Variants in MYH2 observed in about 807,000 individuals in gnomAD.
The protein encoded by MYH2 is myosin-2.
In MYH2, 139 loss-of-function variants were observed where a neutral mutation model predicts 228.1. That is an observed-to-expected ratio of 0.61 (90% confidence interval 0.53 to 0.70). The LOEUF is 0.70. Among genes scored for constraint, MYH2 ranks in the 30% least tolerant of loss-of-function variants. The pLI is 0.00. For missense variants in MYH2, 1,809 were observed against 2,357.5 expected, an observed-to-expected ratio of 0.77 and a Z score of 4.82; for synonymous variants, 796 against 871.1, an observed-to-expected ratio of 0.91 and a Z score of 1.52.
At chr17:10,544,423 C>T (rs2073598983) in intron 5 of MYH2, among the ~76,000 whole-genome samples, 1 of 152,176 alleles carries the variant, frequency 6.6e-6, no homozygotes, top group South Asian at 2.1e-4. Context: ...TAAGTGATGA[C>T]CACGTGGCTG....
At chr17:10,541,662 A>T (rs1299977038) in intron 10 of MYH2, among the ~76,000 whole-genome samples, 1 of 152,118 alleles carries the variant, frequency 6.6e-6, no homozygotes, top group East Asian at 1.9e-4. Flanking sequence ...CCCCTTTGAA[A>T]ATCACTAATA....
At position 10,533,686 on chromosome 17, in the gene MYH2, A is replaced by G; in HGVS notation, c.2181-54T>C. 3.2e-6 allele frequency: 5 copies of G among 1,583,068 alleles called. No individual in the cohort carries two copies. In the African/African-American group the frequency reaches 5.4e-5, roughly 17 times the overall value. On this transcript the variant is annotated intron_variant, in intron 19 of 39. Coordinates refer to ENST00000245503, the MANE Select transcript of MYH2 (RefSeq NM_017534.6). The stretch of plus-strand genomic sequence containing the variant: ...CTAGTTTACTGATGACACAAATGCT[A>G]GCTAAACATTAAATGATTCATTTTT...
In MYH2 at chr17:10,527,751, A is replaced by G; in HGVS notation, c.3868T>C (p.Ser1290Pro). The G allele has an allele frequency of 6.2e-7, 1 of 1,614,050 alleles. No individual in the cohort carries two copies. The highest frequency in any genetic ancestry group is 8.5e-7 in the Non-Finnish European group (1 of 1,180,008). ...GCACAGAAGAGGGGAGAGTTACCAG[A>G]TTCAGTCTGCAGGCGCCCCCTCTGC... ...TAQRGRLQTESGEFSRQLDEK... is the reference protein window; with the variant it reads ...TAQRGRLQTEPGEFSRQLDEK... Residue 1290 changes from serine (S) to proline (P), a missense_variant, in exon 28 of 40, where the codon TCT becomes CCT. By Grantham distance (74) the Ser-to-Pro change is moderately conservative (BLOSUM62 -1). Coordinates refer to ENST00000245503, the MANE Select transcript of MYH2 (RefSeq NM_017534.6).
At position 10,536,494 on chromosome 17, in the gene MYH2, G is replaced by A. The variant is rs1355491755; in HGVS notation, c.1974+36C>T. 3 of 1,582,908 alleles carry A rather than the reference G, an allele frequency of 1.9e-6. No individual in the cohort carries two copies. The South Asian group carries it at 3.4e-5, about 18-fold the overall frequency. ...AGACCCATGTAAAAAAAATCCCAAAGTAATTGGAGAATGTCAAAAACAATT... is the reference window on the plus strand; with the variant it reads ...AGACCCATGTAAAAAAAATCCCAAAATAATTGGAGAATGTCAAAAACAATT... On this transcript the variant is annotated intron_variant, in intron 17 of 39. Transcript: ENST00000245503.
Position 10,535,183 on chromosome 17 carries a change from C to T in MYH2, c.2070G>A (p.Met690Ile). The change falls in exon 19 of 40, where the codon ATG (methionine) becomes ATA (isoleucine). Residue 690 changes from methionine (M) to isoleucine (I), a missense_variant. Coordinates refer to ENST00000245503, the MANE Select transcript of MYH2 (RefSeq NM_017534.6). The stretch of plus-strand genomic sequence containing the variant: ...GCTGGTGGAGGACAAGCTCATGCTC[C>T]ATGGCACCTAAAAATGCATATTTAT... ...IPNETKTPGA[M>I]EHELVLHQLR... is the part of the protein sequence containing the mutation. 6.2e-7 allele frequency: 1 copy of T among 1,614,146 alleles called. No individual in the cohort carries two copies. The highest frequency in any genetic ancestry group is 8.5e-7 in the Non-Finnish European group (1 of 1,180,026).
intron 21 of MYH2, among the ~76,000 whole-genome samples, chr17:10,532,399 A>G (rs909262445): frequency 3.3e-5 from 5 of 152,122 alleles, no homozygotes; most frequent in African/African-American, 9.7e-5. Flanking sequence ...CTGGCTTTAT[A>G]TGTTAATGTT....
chr17:10,542,009 C>G (rs1254358583), intron 10 of MYH2, among the ~76,000 whole-genome samples: 1 of 152,164 alleles, frequency 6.6e-6, no homozygotes, highest in African/African-American at 2.4e-5. Flanking sequence ...CACAGTGTCT[C>G]ATGCCCATAA....
rs952541424 is a variant in MYH2, at chr17:10,537,471, G to A, written c.1659C>T (p.Asn553=). The A allele has an allele frequency of 3.1e-6, 5 of 1,614,098 alleles. No homozygotes were observed. The highest frequency in any genetic ancestry group is 2.7e-5 in the African/African-American group (2 of 74,922). ...TGCCCAGGTGCTGGTCATACAGCTT[G>A]TTCTTGAAGGAGGTGTCTGTTGCCT... is the stretch of plus-strand genomic sequence containing the variant. ...FPKATDTSFK[N]KLYDQHLGKS... The change falls in exon 16 of 40, where the codon AAC becomes AAT. Residue 553 remains asparagine (N), a synonymous_variant. Transcript: ENST00000245503. This position sits in a 1 kb window ranked among gnomAD's most constrained non-coding sequence, Gnocchi z 4.0.
At chr17:10,544,545 T>C (rs2073600212) in intron 5 of MYH2, among the ~76,000 whole-genome samples, 2 of 152,222 alleles carry the variant, frequency 1.3e-5, no homozygotes, top group South Asian at 2.1e-4. Context: ...GTTAGGGACA[T>C]ATATATTGTG....
intron 27 of MYH2, among the ~76,000 whole-genome samples, chr17:10,528,374 T>G (rs1438627769): frequency 6.6e-6 from 1 of 152,188 alleles, no homozygotes; most frequent in Non-Finnish European, 1.5e-5. Flanking sequence ...CGATGAAACT[T>G]TCCTTATTTC....
In MYH2 at chr17:10,539,432, T is replaced by A. The variant is rs1467951640; in HGVS notation, c.1266+12A>T. 6 of 1,613,988 alleles carry A rather than the reference T, an allele frequency of 3.7e-6. No individual in the cohort carries two copies. The highest frequency in any genetic ancestry group is 5.1e-6 in the Non-Finnish European group (6 of 1,179,948). ...TTTCATCCCTGGCAGTTAATTTGAA[T>A]TATGCACCTACCTGTTCTACAGTCT... On this transcript the variant is annotated intron_variant, in intron 13 of 39. Transcript: ENST00000245503.
intron 22 of MYH2, among the ~76,000 whole-genome samples, chr17:10,530,607 C>G (rs1388565567): frequency 2.6e-5 from 4 of 151,786 alleles, no homozygotes; most frequent in African/African-American, 9.7e-5. Flanking sequence ...ATAAAGTAAT[C>G]AAGAAATTCC....
rs751400606 is a variant in MYH2 at position 10,529,383 on chromosome 17, T to G, written c.3216A>C (p.Ile1072=). ...EGDLKLAQES[I]MDIENEKQQL... ...GCTGTTTCTCATTTTCAATGTCCAT[T>G]ATGGATTCTTGGGCCAACTTCAAGT... Residue 1072 remains isoleucine, a synonymous_variant, in exon 25 of 40, where the codon ATA becomes ATC. Transcript: ENST00000245503. 1.2e-6 allele frequency: 2 copies of G among 1,614,174 alleles called. No individual in the cohort carries two copies. The highest frequency in any genetic ancestry group is 1.7e-6 in the Non-Finnish European group (2 of 1,180,038).
At chr17:10,534,009 A>G (rs1370549437) in intron 19 of MYH2, among the ~76,000 whole-genome samples, 1 of 152,230 alleles carries the variant, frequency 6.6e-6, no homozygotes, top group African/African-American at 2.4e-5. Flanking sequence ...TAGACAGTAC[A>G]CTTTAGGTAT....
rs774498611 is a variant in MYH2 at position 10,528,657 on chromosome 17, T to C, written c.3744+33A>G. 6.2e-6 allele frequency: 10 copies of C among 1,613,880 alleles called. No homozygotes were observed. The Admixed American group carries it at 6.7e-5, about 11-fold the overall frequency. On this transcript the variant is annotated intron_variant, in intron 27 of 39. Transcript: ENST00000245503. Reference sequence around the variant, plus strand: ...ACTATGATGTGTCCATAATGCATTATTTTCAATAACAATTTCCCAGAATTT... The same window carrying C: ...ACTATGATGTGTCCATAATGCATTACTTTCAATAACAATTTCCCAGAATTT...
At chr17:10,541,900 T>C (rs1020734646) in intron 10 of MYH2, among the ~76,000 whole-genome samples, 1 of 152,214 alleles carries the variant, frequency 6.6e-6, no homozygotes, top group Non-Finnish European at 1.5e-5. Context: ...TGATGGGCAC[T>C]GGAGAGGCGT....
chr17:10,537,761 G>A lies in MYH2; in HGVS notation c.1491C>T (p.Phe497=), dbSNP rs1005296954. ...KLQQFFNHHM[F]VLEQEEYKKE... is the part of the protein sequence containing the mutation. ...TCTTGTACTCCTCCTGCTCCAGCAC[G>A]AACATGTGGTGGTTGAAAAACTGTT... The change falls in exon 15 of 40, where the codon TTC becomes TTT. Residue 497 remains phenylalanine (F), a synonymous_variant. Coordinates refer to ENST00000245503, the MANE Select transcript of MYH2 (RefSeq NM_017534.6). The surrounding 1 kb of genome is among the most constrained non-coding windows in gnomAD (Gnocchi z 4.0). The A allele has an allele frequency of 3.5e-5, 57 of 1,614,004 alleles. No individual in the cohort carries two copies. Among genetic ancestry groups the A allele is most frequent in the Middle Eastern group, 1.6e-4 (1 of 6,084 alleles).
At position 10,533,542 on chromosome 17, in the gene MYH2, A is replaced by G; in HGVS notation, c.2271T>C (p.Ile757=). 1 of 1,614,186 alleles carries G rather than the reference A, an allele frequency of 6.2e-7. No homozygotes were observed. Among genetic ancestry groups the G allele is most frequent in the African/African-American group, 1.3e-5 (1 of 75,042 alleles). ...GCCCAAATTTATACTGGGTGTGGTC[A>G]ATGTCGATGGATGCAAGGAGCTTCT... ...ASEKLLASID[I]DHTQYKFGHT... is the part of the protein sequence containing the mutation. The change falls in exon 20 of 40, where the codon ATT becomes ATC. Residue 757 remains isoleucine (I), a synonymous_variant. Transcript: ENST00000245503.
At chr17:10,531,508 A>C (rs1339697566) in intron 22 of MYH2, 125 bp downstream of exon 22, 1 of 1,330,764 alleles carries the variant, frequency 7.5e-7, no homozygotes, top group Non-Finnish European at 1.1e-6. Context: ...GTGCCATTGG[A>C]GTGTTTTAAC....
Sources: gnomAD v4.1 joint callset for allele counts (sites outside exome capture counted in the v4.1 genomes callset) on GRCh38, gnomAD v4.1.1 for gene constraint, Gnocchi (gnomAD v3.1) non-coding constraint, MANE v1.5 for transcripts, NCBI Gene and HGNC (gene_info 2026-07-23, HGNC 2026-07-21) for gene names.